Variants in SLC35F3 observed in about 807,000 individuals in gnomAD.
The protein encoded by SLC35F3 is putative thiamine transporter SLC35F3.
In SLC35F3, 25 loss-of-function variants were observed where a neutral mutation model predicts 49.9. The ratio of observed to expected loss-of-function variants is 0.50; its 90% CI spans 0.37 to 0.70. The LOEUF is 0.70. SLC35F3 is among the 30% of genes least tolerant of loss of function. The pLI is 0.00. For synonymous variants in SLC35F3, 275 were observed against 265.4 expected (o/e 1.04, Z -0.35); for missense variants, 525 against 639.8 (o/e 0.82, Z 1.94).
intron 2 of SLC35F3, among the ~76,000 whole-genome samples, chr1:234,102,075 T>A (rs1200254969): frequency 6.6e-6 from 1 of 152,168 alleles, no homozygotes; most frequent in African/African-American, 2.4e-5. Context: ...GTCACTGGAT[T>A]TGGTTTACAG....
chr1:234,104,711 G>C (rs1665258650), intron 2 of SLC35F3, among the ~76,000 whole-genome samples: 2 of 152,338 alleles, frequency 1.3e-5, no homozygotes, highest in Non-Finnish European at 1.5e-5. Context: ...AAATGTAGTT[G>C]TGGTTAAAGG....
At chr1:234,049,972 C>CT (rs1025281752) in intron 2 of SLC35F3, among the ~76,000 whole-genome samples, 1 of 152,096 alleles carries the variant, frequency 6.6e-6, no homozygotes, top group Non-Finnish European at 1.5e-5. Flanking sequence ...TGAACTCATC[C>CT]TTTTTTATGG....
chr1:234,130,820 A>G (rs969015685), intron 2 of SLC35F3, among the ~76,000 whole-genome samples: 1 of 152,236 alleles, frequency 6.6e-6, no homozygotes, highest in Non-Finnish European at 1.5e-5. Context: ...ATTCCACGCC[A>G]AAGTATAAAC....
intron 2 of SLC35F3, among the ~76,000 whole-genome samples, chr1:233,968,501 T>G (rs1229185936): frequency 6.8e-6 from 1 of 147,442 alleles, no homozygotes; most frequent in Admixed American, 6.8e-5. Flanking sequence ...CTTTTTCTTT[T>G]GTTTTTGAGA....
intron 2 of SLC35F3, among the ~76,000 whole-genome samples, chr1:233,932,217 G>A (rs1006991908): frequency 9.9e-5 from 15 of 152,064 alleles, no homozygotes; most frequent in African/African-American, 3.4e-4. Context: ...GATGAGTGCA[G>A]CAAACCACCA....
intron 3 of SLC35F3, among the ~76,000 whole-genome samples, chr1:234,268,191 G>A (rs1245936511): frequency 1.3e-5 from 2 of 152,198 alleles, no homozygotes; most frequent in Non-Finnish European, 2.9e-5. Context: ...ACCAGACTCC[G>A]TCTGCAATCC....
intron 2 of SLC35F3, among the ~76,000 whole-genome samples, chr1:234,061,361 C>A (rs1664536248): frequency 6.6e-6 from 1 of 152,020 alleles, no homozygotes; most frequent in Non-Finnish European, 1.5e-5. Context: ...AAATGATAAG[C>A]CAGTTTTCTC....
chr1:234,117,964 G>A (rs77834228), intron 2 of SLC35F3, among the ~76,000 whole-genome samples: 124,019 of 129,914 alleles, frequency 0.95, 59,204 homozygotes, highest in East Asian at 0.99. Context: ...GTGTGTGTGT[G>A]TATATATATA....
At position 234,027,752 on chromosome 1, in the gene SLC35F3, A is replaced by C. The variant is rs1315414817; in HGVS notation, c.283+121994A>C. The stretch of plus-strand genomic sequence containing the variant: ...TCCCTGTATTCCTTCATTTAGTAAA[A>C]ATTCACTGGGAGCCTGCGCCAGTTT... On this transcript the variant is annotated intron_variant, in intron 2 of 7. Transcript: ENST00000366618. The surrounding 1 kb of genome is among the most constrained non-coding windows in gnomAD (Gnocchi z 4.1). Among the ~76,000 whole-genome samples, 1 of 152,178 alleles carries C rather than the reference A, an allele frequency of 6.6e-6. No individual in the cohort carries two copies. The highest frequency in any genetic ancestry group is 1.5e-5 in the Non-Finnish European group (1 of 68,024).
At position 234,048,350 on chromosome 1, in the gene SLC35F3, G is replaced by A. The variant is rs561712100; in HGVS notation, c.283+142592G>A. Among the ~76,000 whole-genome samples the A allele has an allele frequency of 2.0e-5, 3 of 152,276 alleles. No individual in the cohort carries two copies. In the South Asian group the frequency reaches 6.2e-4, roughly 32 times the overall value. On this transcript the variant is annotated intron_variant, in intron 2 of 7. Transcript: ENST00000366618. Reference sequence around the variant, plus strand: ...TGGTTGGACAATCGCTCCATAAAGAGGTTATCCATGATGTTAATGAGCCAT... The same window carrying A: ...TGGTTGGACAATCGCTCCATAAAGAAGTTATCCATGATGTTAATGAGCCAT...
chr1:233,982,737 G>A (rs1032663337), intron 2 of SLC35F3, among the ~76,000 whole-genome samples: 4 of 152,206 alleles, frequency 2.6e-5, no homozygotes, highest in East Asian at 3.9e-4. Flanking sequence ...GCAAGGCACC[G>A]ACACAGCACC....
intron 2 of SLC35F3, among the ~76,000 whole-genome samples, chr1:234,226,160 G>C (rs1233615605): frequency 6.6e-6 from 1 of 152,208 alleles, no homozygotes; most frequent in East Asian, 1.9e-4. Flanking sequence ...TTTATAGTAT[G>C]AGAATTATAT....
chr1:233,975,338 A>G (rs1285722514), intron 2 of SLC35F3, among the ~76,000 whole-genome samples: 6 of 152,264 alleles, frequency 3.9e-5, no homozygotes, highest in Non-Finnish European at 1.5e-5. Flanking sequence ...GAAAGTGCTC[A>G]CTGATGGAAC....
chr1:234,116,803 C>CG (rs1408487006), intron 2 of SLC35F3, among the ~76,000 whole-genome samples: 3 of 152,096 alleles, frequency 2.0e-5, no homozygotes, highest in Non-Finnish European at 4.4e-5. Flanking sequence ...CGTGAGCCAC[C>CG]GCGCCCAGCC....
At chr1:234,176,326 G>A (rs754747847) in intron 2 of SLC35F3, among the ~76,000 whole-genome samples, 1 of 152,170 alleles carries the variant, frequency 6.6e-6, no homozygotes, top group African/African-American at 2.4e-5. Context: ...AGAGAAAGCT[G>A]CTCAAAGAGA....
At chr1:233,993,386 C>A (rs1331959933) in intron 2 of SLC35F3, among the ~76,000 whole-genome samples, 1 of 152,224 alleles carries the variant, frequency 6.6e-6, no homozygotes, top group Non-Finnish European at 1.5e-5. Context: ...GAAGATCTAA[C>A]TTCCTTAACC....
intron 3 of SLC35F3, among the ~76,000 whole-genome samples, chr1:234,292,389 G>A (rs977634439): frequency 2.9e-4 from 44 of 152,322 alleles, no homozygotes; most frequent in African/African-American, 9.4e-4. Flanking sequence ...TTATTGGAAC[G>A]CCAAGCATGT....
chr1:234,091,016 A>G (rs957682173), intron 2 of SLC35F3, among the ~76,000 whole-genome samples: 3 of 152,250 alleles, frequency 2.0e-5, no homozygotes, highest in African/African-American at 7.2e-5. Flanking sequence ...CAAAACTTCA[A>G]TGGTGCAATA....
chr1:233,934,041 A>T (rs1662287756), intron 2 of SLC35F3, among the ~76,000 whole-genome samples: 1 of 152,228 alleles, frequency 6.6e-6, no homozygotes, highest in Admixed American at 6.5e-5. Context: ...GAAGTGCTTT[A>T]TTCCATTTGA....
Sources: gnomAD v4.1 joint callset for allele counts (sites outside exome capture counted in the v4.1 genomes callset) on GRCh38, gnomAD v4.1.1 for gene constraint, Gnocchi (gnomAD v3.1) non-coding constraint, MANE v1.5 for transcripts, NCBI Gene and HGNC (gene_info 2026-07-23, HGNC 2026-07-21) for gene names.